GTF2IRD1: variants seen among roughly 807,000 people sequenced by gnomAD.
GTF2IRD1 encodes the protein general transcription factor II-I repeat domain-containing protein 1.
A neutral mutation model predicts 113.2 loss-of-function variants in GTF2IRD1; 26 were observed. The ratio of observed to expected loss-of-function variants is 0.23; its 90% CI spans 0.17 to 0.32. The LOEUF (loss-of-function observed/expected upper bound fraction) is 0.32, where lower values mean the gene tolerates loss of function less well. Among genes scored for constraint, GTF2IRD1 ranks in the 10% least tolerant of loss-of-function variants. GTF2IRD1 has a pLI of 1.00. For synonymous variants in GTF2IRD1, 484 were observed against 529.1 expected, an observed-to-expected ratio of 0.91 and a Z score of 1.17; for missense variants, 864 against 1,280.8, an observed-to-expected ratio of 0.67 and a Z score of 4.97.
intron 12 of GTF2IRD1, 53 bp downstream of exon 12, chr7:74,538,226 C>T: frequency 1.9e-6 from 3 of 1,559,596 alleles, no homozygotes; most frequent in Non-Finnish European, 2.6e-6. Context: ...GGGCAACCAC[C>T]AGCCCTACCC....
At chr7:74,504,995 A>G (rs1023352552) in intron 1 of GTF2IRD1, among the ~76,000 whole-genome samples, 3 of 152,028 alleles carry the variant, frequency 2.0e-5, no homozygotes, top group Admixed American at 6.6e-5. Context: ...GACATGAGCC[A>G]CTGCGCCTGG....
chr7:74,570,258 G>A (rs1388669801), intron 22 of GTF2IRD1, among the ~76,000 whole-genome samples: 1 of 151,782 alleles, frequency 6.6e-6, no homozygotes, highest in Non-Finnish European at 1.5e-5. Context: ...AGCTACTCGG[G>A]AGCTTGAGGC....
At position 74,602,560 on chromosome 7, in the gene GTF2IRD1, C is replaced by A. The variant is rs1216085425; in HGVS notation, c.*127C>A. 7.0e-6 allele frequency: 4 copies of A among 568,594 alleles called. No homozygotes were observed. Among genetic ancestry groups the A allele is most frequent in the Non-Finnish European group, 1.2e-5 (4 of 345,918 alleles). 35.2% of individuals were successfully genotyped at this position (568,594 alleles called of 1,614,324 possible). On this transcript the variant is annotated 3_prime_UTR_variant, in exon 27 of 27. Coordinates refer to ENST00000424337, the MANE Select transcript of GTF2IRD1 (RefSeq NM_005685.4). ...CAATGATTTTTACACTATATTCCTG[C>A]CACCAAGGCCTTTTTAAATAAGTAA...
chr7:74,459,738 T>C (rs1191168281), intron 1 of GTF2IRD1, among the ~76,000 whole-genome samples: 1 of 152,184 alleles, frequency 6.6e-6, no homozygotes, highest in African/African-American at 2.4e-5. Flanking sequence ...TGGGATGAAC[T>C]TCTAGCTAAA....
In GTF2IRD1 at chr7:74,601,056, G is replaced by A; in HGVS notation, c.2642G>A (p.Ser881Asn). 4 of 1,614,188 alleles carry A rather than the reference G, an allele frequency of 2.5e-6. No homozygotes were observed. Among genetic ancestry groups the A allele is most frequent in the Non-Finnish European group, 3.4e-6 (4 of 1,180,036 alleles). The stretch of plus-strand genomic sequence containing the variant: ...CCCCTCCTTCCAGCCAAAGACAGCA[G>A]CATTCCCAAGCGCAAGAGAAAGCGG... The part of the protein sequence containing the change: ...NDAKVPAKDS[S>N]IPKRKRKRVS... The change falls in exon 26 of 27, where the codon AGC becomes AAC. Residue 881 changes from serine to asparagine, a missense_variant. Ser to Asn is a conservative substitution (Grantham distance 46). This residue lies in a region of GTF2IRD1 where 55 missense variants were observed against 52.2 expected (regional missense o/e 1.05). Coordinates refer to ENST00000424337, the MANE Select transcript of GTF2IRD1 (RefSeq NM_005685.4).
chr7:74,583,581 C>T (rs1233610509), intron 22 of GTF2IRD1, among the ~76,000 whole-genome samples: 1 of 151,894 alleles, frequency 6.6e-6, no homozygotes, highest in Non-Finnish European at 1.5e-5. Flanking sequence ...AAACTGCCAG[C>T]CCCCTCAGCC....
chr7:74,483,176 T>C (rs934494950), intron 1 of GTF2IRD1, among the ~76,000 whole-genome samples: 1 of 152,126 alleles, frequency 6.6e-6, no homozygotes, highest in Non-Finnish European at 1.5e-5. Context: ...TCTAGCTCAG[T>C]GCTGTGATGC....
intron 2 of GTF2IRD1, among the ~76,000 whole-genome samples, 188 bp downstream of exon 2, chr7:74,508,391 C>T (rs1162983516): frequency 2.6e-5 from 4 of 152,154 alleles, no homozygotes; most frequent in Non-Finnish European, 5.9e-5. Flanking sequence ...AGATCCAGTA[C>T]ATAAAAATCT....
At chr7:74,524,222 C>T in intron 8 of GTF2IRD1, 68 bp downstream of exon 8, 2 of 1,059,144 alleles carry the variant, frequency 1.9e-6, no homozygotes, top group Non-Finnish European at 1.4e-6. Flanking sequence ...ACGTGGCAAT[C>T]ACTCGTGTTC....
intron 17 of GTF2IRD1, among the ~76,000 whole-genome samples, chr7:74,550,424 A>AG (rs1278142234): frequency 1.6e-5 from 2 of 123,738 alleles, no homozygotes; most frequent in Non-Finnish European, 3.2e-5. Flanking sequence ...CCCCATCTCT[A>AG]GGGAAAAAAA....
chr7:74,501,823 T>A lies in GTF2IRD1; in HGVS notation c.-6-6252T>A, dbSNP rs898684013. The stretch of plus-strand genomic sequence containing the variant: ...CCTACCACAGTGCCTGGCTAATTTT[T>A]AAATTTTTAGTAGAGGTGGGGTTTC... On this transcript the variant is annotated intron_variant, in intron 1 of 26. Coordinates refer to ENST00000424337, the MANE Select transcript of GTF2IRD1 (RefSeq NM_005685.4). Among the ~76,000 whole-genome samples the A allele has an allele frequency of 3.3e-5, 5 of 152,106 alleles. No homozygotes were observed. The East Asian group carries it at 9.6e-4, about 29-fold the overall frequency.
intron 16 of GTF2IRD1, among the ~76,000 whole-genome samples, chr7:74,546,347 G>A (rs1482696074): frequency 5.3e-5 from 8 of 149,820 alleles, no homozygotes; most frequent in African/African-American, 1.5e-4. Flanking sequence ...TCACCCTCCC[G>A]AGTAGCTGGG....
intron 22 of GTF2IRD1, among the ~76,000 whole-genome samples, chr7:74,561,147 G>A (rs1200655587): frequency 6.6e-6 from 1 of 151,844 alleles, no homozygotes; most frequent in African/African-American, 2.4e-5. Context: ...TCAGGAGTTC[G>A]AGATCAGCCT....
In GTF2IRD1 at chr7:74,559,659, A is replaced by G; in HGVS notation, c.2320+4A>G. 1 of 1,595,584 alleles carries G rather than the reference A, an allele frequency of 6.3e-7. No individual in the cohort carries two copies. Among genetic ancestry groups the G allele is most frequent in the East Asian group, 2.3e-5 (1 of 44,360 alleles). The stretch of plus-strand genomic sequence containing the variant: ...CAAGGACTCATCCCAAAGCCTGGTA[A>G]GAGGCACTGGCTGTGGAGGGGGCAC... On this transcript the variant is annotated splice_donor_region_variant and intron_variant, in intron 22 of 26. Transcript: ENST00000424337.
chr7:74,583,981 C>T (rs1647079605), intron 22 of GTF2IRD1, among the ~76,000 whole-genome samples: 1 of 152,118 alleles, frequency 6.6e-6, no homozygotes, highest in Non-Finnish European at 1.5e-5. Context: ...CCAGCTGGGT[C>T]AGGATCCCTG....
chr7:74,599,848 G>C (rs1213361844), intron 25 of GTF2IRD1, among the ~76,000 whole-genome samples: 1 of 151,884 alleles, frequency 6.6e-6, no homozygotes, highest in African/African-American at 2.4e-5. Flanking sequence ...ACCCTCCCTG[G>C]ACAACCTAGC....
intron 16 of GTF2IRD1, 91 bp from the exon 17 acceptor site, chr7:74,547,012 G>A (rs1798981907): frequency 8.3e-7 from 1 of 1,198,858 alleles, no homozygotes; most frequent in Non-Finnish European, 1.2e-6. Flanking sequence ...GGCTCTGGCA[G>A]CTTTGCCCCC....
chr7:74,510,044 AGCTGT>A (rs1359156395), intron 2 of GTF2IRD1, among the ~76,000 whole-genome samples: 1 of 152,072 alleles, frequency 6.6e-6, no homozygotes, highest in East Asian at 1.9e-4. Context: ...ACCTCCTTCA[AGCTGT>A]TCCTGCTGTA....
In GTF2IRD1 at chr7:74,512,407, G is replaced by A. The variant is rs766089989; in HGVS notation, c.124-423G>A. Among the ~76,000 whole-genome samples, 20 of 152,140 alleles carry A rather than the reference G, an allele frequency of 1.3e-4. No homozygotes were observed. Among genetic ancestry groups the A allele is most frequent in the Admixed American group, 6.5e-4 (10 of 15,268 alleles). ...GGAGCCCAGAGGAGGGACGTGACTTGCTCAAGTCCCACAGCAGAAGTGGCC... is the reference window on the plus strand; with the variant it reads ...GGAGCCCAGAGGAGGGACGTGACTTACTCAAGTCCCACAGCAGAAGTGGCC... On this transcript the variant is annotated intron_variant, in intron 2 of 26. Transcript: ENST00000424337. This position sits in a 1 kb window ranked among gnomAD's most constrained non-coding sequence, Gnocchi z 4.4.
Sources: allele counts gnomAD v4.1 joint callset (sites outside exome capture counted in the v4.1 genomes callset), GRCh38; gene constraint gnomAD v4.1.1; regional missense constraint gnomAD v4.1.1; non-coding constraint Gnocchi (gnomAD v3.1); transcripts MANE v1.5; gene names NCBI Gene and HGNC (gene_info 2026-07-23, HGNC 2026-07-21).